The following ZNF507 variants were observed in gnomAD, a reference collection of about 807,000 sequenced individuals.
The protein encoded by ZNF507 is zinc finger protein 507.
In ZNF507, 29 loss-of-function variants were observed where a neutral mutation model predicts 80.0. The observed-to-expected ratio is 0.36, with a 90% CI of 0.27 to 0.49. ZNF507 has a LOEUF of 0.49. ZNF507 is among the 20% of genes least tolerant of loss of function. The pLI is 0.98. For missense variants in ZNF507, 1,081 were observed against 1,152.2 expected (o/e 0.94, Z 0.90); for synonymous variants, 462 against 422.5 (o/e 1.09, Z -1.15).
chr19:32,347,100 G>T (rs190859692), intron 1 of ZNF507, 145 bp from the exon 2 acceptor site: 1 of 152,018 alleles, frequency 6.6e-6, no homozygotes, highest in South Asian at 2.1e-4. Context: ...TTTGCATTAC[G>T]TAATAGGGTT....
Position 32,353,635 on chromosome 19 carries a change from A to C in ZNF507, c.805A>C (p.Lys269Gln), listed in dbSNP as rs1186754871. The C allele has an allele frequency of 6.2e-7, 1 of 1,614,214 alleles. No homozygotes were observed. Among genetic ancestry groups the C allele is most frequent in the Admixed American group, 1.7e-5 (1 of 60,026 alleles). ...GAGAATGTTGAAAACACACGCTTGGAAACATGCTGGGGAGGTTGATTGCTC... is the reference window on the plus strand; with the variant it reads ...GAGAATGTTGAAAACACACGCTTGGCAACATGCTGGGGAGGTTGATTGCTC... ...QQRMLKTHAW[K>Q]HAGEVDCSYP... The change falls in exon 3 of 7, where the codon AAA (lysine) becomes CAA (glutamine). Residue 269 changes from lysine (K) to glutamine (Q), a missense_variant. By Grantham distance (53) the Lys-to-Gln change is moderately conservative. Transcript: ENST00000355898.
At chr19:32,360,314 T>C (rs1190668587) in intron 4 of ZNF507, among the ~76,000 whole-genome samples, 190 bp from the exon 5 acceptor site, 1 of 152,214 alleles carries the variant, frequency 6.6e-6, no homozygotes, top group Non-Finnish European at 1.5e-5. Flanking sequence ...ATGTTCAGTT[T>C]ATATCTGCTG....
At chr19:32,378,656 AAAAAG>A (rs1568309914) in intron 5 of ZNF507, among the ~76,000 whole-genome samples, 8 of 151,774 alleles carry the variant, frequency 5.3e-5, no homozygotes, top group African/African-American at 1.2e-4. Context: ...TTTTTAAAAA[AAAAAG>A]GGAAAACAGT....
chr19:32,355,938 G>A (rs908396565), intron 3 of ZNF507, among the ~76,000 whole-genome samples: 9 of 152,102 alleles, frequency 5.9e-5, no homozygotes, highest in Non-Finnish European at 1.0e-4. Flanking sequence ...GGCGGAGCTT[G>A]CAGTGAGCCA....
At chr19:32,355,967 C>G (rs917553194) in intron 3 of ZNF507, among the ~76,000 whole-genome samples, 1 of 152,108 alleles carries the variant, frequency 6.6e-6, no homozygotes, top group Non-Finnish European at 1.5e-5. Flanking sequence ...CCGCTGCACT[C>G]CAGCCTGGGC....
rs2145350798 is a variant in ZNF507, at chr19:32,386,078, T to A, written c.*2995T>A. 1 of 152,578 alleles carries A rather than the reference T, an allele frequency of 6.6e-6. No homozygotes were observed. The highest frequency in any genetic ancestry group is 2.4e-5 in the African/African-American group (1 of 41,574). 9.5% of individuals were successfully genotyped at this position (152,578 alleles called of 1,614,324 possible). On this transcript the variant is annotated 3_prime_UTR_variant, in exon 7 of 7. Coordinates refer to ENST00000355898, the MANE Select transcript of ZNF507 (RefSeq NM_001136156.2). ...ATCATTTTCTCCCTTTCTCTAATCATCCAGAATATGGCGGGTGTCCCAGTG... is the reference window on the plus strand; with the variant it reads ...ATCATTTTCTCCCTTTCTCTAATCAACCAGAATATGGCGGGTGTCCCAGTG...
rs1430479907 is a variant in ZNF507 at position 32,361,829 on chromosome 19, T to C, written c.2360+1211T>C. On this transcript the variant is annotated intron_variant, in intron 5 of 6. Coordinates refer to ENST00000355898, the MANE Select transcript of ZNF507 (RefSeq NM_001136156.2). ...CTTCGTTTCCTTCCTTCCTTTCCTTTCTTCCTTTCCTTTCTTCCTTTCCTT... is the reference window on the plus strand; with the variant it reads ...CTTCGTTTCCTTCCTTCCTTTCCTTCCTTCCTTTCCTTTCTTCCTTTCCTT... Among the ~76,000 whole-genome samples, 14 of 130,078 alleles carry C rather than the reference T, an allele frequency of 1.1e-4. No individual in the cohort carries two copies. In the East Asian group the frequency reaches 1.9e-3, roughly 18 times the overall value. The allele number at this position is 130,078 out of a possible 152,430, so 85.3% of individuals were successfully genotyped here.
At chr19:32,374,169 A>AACACACACAC (rs56820529) in intron 5 of ZNF507, among the ~76,000 whole-genome samples, 25,025 of 149,750 alleles carry the variant, frequency 0.17, 2,796 homozygotes, top group East Asian at 0.47. Flanking sequence ...CAAAGCAAGG[A>AACACACACAC]ACACACACAC....
chr19:32,348,051 G>A (rs1323004431), intron 2 of ZNF507, among the ~76,000 whole-genome samples: 2 of 152,140 alleles, frequency 1.3e-5, no homozygotes, highest in Admixed American at 6.5e-5. Flanking sequence ...TAACTTTATA[G>A]ACAGTTTATA....
chr19:32,366,733 G>A (rs1007365738), intron 5 of ZNF507, among the ~76,000 whole-genome samples: 7 of 152,168 alleles, frequency 4.6e-5, no homozygotes, highest in Admixed American at 1.3e-4. Flanking sequence ...TTATACCTAG[G>A]GGTGGAATTT....
At chr19:32,378,320 T>G (rs1967578260) in intron 5 of ZNF507, among the ~76,000 whole-genome samples, 2 of 152,034 alleles carry the variant, frequency 1.3e-5, no homozygotes, top group African/African-American at 4.8e-5. Flanking sequence ...AACGCTGCAC[T>G]CCAGCCTGGG....
chr19:32,367,907 T>C (rs1281797939), intron 5 of ZNF507, among the ~76,000 whole-genome samples: 1 of 152,194 alleles, frequency 6.6e-6, no homozygotes, highest in Non-Finnish European at 1.5e-5. Flanking sequence ...AGATTGTTTG[T>C]GGGCCAGACC....
chr19:32,376,619 C>T (rs1599558341), intron 5 of ZNF507, among the ~76,000 whole-genome samples: 1 of 152,246 alleles, frequency 6.6e-6, no homozygotes, highest in Non-Finnish European at 1.5e-5. Flanking sequence ...AGGGACCAGC[C>T]CCACATGATC....
chr19:32,377,723 T>A (rs1435325897), intron 5 of ZNF507, among the ~76,000 whole-genome samples: 1 of 152,098 alleles, frequency 6.6e-6, no homozygotes, highest in Admixed American at 6.5e-5. Flanking sequence ...GTAATTGACG[T>A]AGATACCCCT....
chr19:32,353,025 A>C lies in ZNF507; in HGVS notation c.195A>C (p.Leu65Phe). ...ATGAAAAGTCACAAAAATGTCTTTTAATTGGGAAGAAACGCCCACGTTCAA... is the reference window on the plus strand; with the variant it reads ...ATGAAAAGTCACAAAAATGTCTTTTCATTGGGAAGAAACGCCCACGTTCAA... Reference protein sequence around the residue: ...VENEKSQKCLLIGKKRPRSSA... With the variant: ...VENEKSQKCLFIGKKRPRSSA... The change falls in exon 3 of 7, where the codon TTA becomes TTC. Residue 65 changes from leucine (L) to phenylalanine (F), a missense_variant. This residue lies in a region of ZNF507 where 275 missense variants were observed against 303.9 expected (regional missense o/e 0.90). Transcript: ENST00000355898. The C allele has an allele frequency of 6.2e-7, 1 of 1,613,978 alleles. No individual in the cohort carries two copies. The highest frequency in any genetic ancestry group is 8.5e-7 in the Non-Finnish European group (1 of 1,179,972).
In ZNF507 at chr19:32,374,188, A is replaced by ACACACACACACT. The variant is rs57164942; in HGVS notation, c.2361-8278_2361-8277insACACACACACTC. Among the ~76,000 whole-genome samples the ACACACACACACT allele has an allele frequency of 4.6e-3, 675 of 145,820 alleles. 9 individuals carry two copies. Among genetic ancestry groups the ACACACACACACT allele is most frequent in the African/African-American group, 0.016 (631 of 39,564 alleles). On this transcript the variant is annotated intron_variant, in intron 5 of 6. Coordinates refer to ENST00000355898, the MANE Select transcript of ZNF507 (RefSeq NM_001136156.2). Reference sequence around the variant, plus strand: ...GCAAGGAACACACACACACACACACACTCTCTCTCTCTTTCTCTCACTCAT... The same window carrying ACACACACACACT: ...GCAAGGAACACACACACACACACACACACACACACACTCTCTCTCTCTCTTTCTCTCACTCAT...
rs775743008 is a variant in ZNF507, at chr19:32,354,886, A to C, written c.2056A>C (p.Ser686Arg). 4 of 1,614,038 alleles carry C rather than the reference A, an allele frequency of 2.5e-6. No individual in the cohort carries two copies. In the Admixed American group the frequency reaches 6.7e-5, roughly 27 times the overall value. ...AGCGGACAACAGCAAAGATTTGGAG[A>C]GTCACATGATCCACCACTGTAAGAC... ...HIADNSKDLESHMIHHCKTRI... is the reference protein window; with the variant it reads ...HIADNSKDLERHMIHHCKTRI... The change falls in exon 3 of 7, where the codon AGT becomes CGT. Residue 686 changes from serine to arginine, a missense_variant. This residue lies in a region of ZNF507 where 614 missense variants were observed against 583.9 expected (regional missense o/e 1.05). Transcript: ENST00000355898.
At chr19:32,372,061 A>G (rs1488206243) in intron 5 of ZNF507, among the ~76,000 whole-genome samples, 2 of 152,230 alleles carry the variant, frequency 1.3e-5, no homozygotes, top group African/African-American at 4.8e-5. Flanking sequence ...AATGTCAAAA[A>G]GATCAAAAAC....
At chr19:32,362,737 C>T (rs750230854) in intron 5 of ZNF507, among the ~76,000 whole-genome samples, 13 of 152,316 alleles carry the variant, frequency 8.5e-5, no homozygotes, top group Non-Finnish European at 1.5e-4. Flanking sequence ...TTCCTACCAA[C>T]GGGCAACATC....
Sources: gnomAD v4.1 joint callset for allele counts (sites outside exome capture counted in the v4.1 genomes callset) on GRCh38, gnomAD v4.1.1 for gene constraint, gnomAD v4.1.1 regional missense constraint, MANE v1.5 for transcripts, NCBI Gene and HGNC (gene_info 2026-07-23, HGNC 2026-07-21) for gene names.